The following TRIP12 variants were observed in gnomAD, a reference collection of about 807,000 sequenced individuals.
TRIP12 encodes the protein thyroid hormone receptor interactor 12, also known as E3 ubiquitin-protein ligase TRIP12.
A neutral mutation model predicts 244.2 loss-of-function variants in TRIP12; 25 were observed. The observed-to-expected ratio is 0.10, with a 90% CI of 0.07 to 0.14. TRIP12 has a LOEUF of 0.14. Ranked by LOEUF, TRIP12 falls within the 10% of genes least tolerant of loss-of-function variation. The pLI, the probability that TRIP12 is intolerant of heterozygous loss-of-function variation, is 1.00. For missense variants in TRIP12, 1,677 were observed against 2,486.4 expected (o/e 0.67, Z 6.92); for synonymous variants, 905 against 873.1 (o/e 1.04, Z -0.64).
At chr2:229,849,749 T>C (rs2058288152) in intron 4 of TRIP12, among the ~76,000 whole-genome samples, 1 of 152,128 alleles carries the variant, frequency 6.6e-6, no homozygotes, top group Non-Finnish European at 1.5e-5. Flanking sequence ...GGCATGTGCC[T>C]GTGGTCCCAG....
At chr2:229,776,423 T>C (rs913361536) in intron 37 of TRIP12, among the ~76,000 whole-genome samples, 1 of 152,196 alleles carries the variant, frequency 6.6e-6, no homozygotes, top group Non-Finnish European at 1.5e-5. Context: ...CTTAGCCTCT[T>C]TGAATACCAA....
At position 229,859,067 on chromosome 2, in the gene TRIP12, A is replaced by G; in HGVS notation, c.732T>C (p.Thr244=). The G allele has an allele frequency of 6.2e-7, 1 of 1,614,208 alleles. No homozygotes were observed. The highest frequency in any genetic ancestry group is 8.5e-7 in the Non-Finnish European group (1 of 1,180,024). ...TITDSSSAAS[T]SSSSSAVASA... is the part of the protein sequence containing the mutation. ...AGGCTACAGCAGAAGACGAGGAGGA[A>G]GTAGAGGCAGCAGAAGAAGAATCAG... is the stretch of plus-strand genomic sequence containing the variant. Residue 244 remains threonine, a synonymous_variant, in exon 4 of 42, where the codon ACT becomes ACC. Transcript: ENST00000675903.
At chr2:229,909,120 T>G (rs2073712337) in intron 1 of TRIP12, among the ~76,000 whole-genome samples, 1 of 151,776 alleles carries the variant, frequency 6.6e-6, no homozygotes, top group African/African-American at 2.4e-5. Flanking sequence ...GATTTTATGT[T>G]AGTTTTGTCC....
intron 30 of TRIP12, among the ~76,000 whole-genome samples, chr2:229,790,563 C>G (rs1012526775): frequency 1.3e-5 from 2 of 151,554 alleles, no homozygotes; most frequent in South Asian, 2.1e-4. Context: ...CTCCATGGAA[C>G]AATAATATTG....
chr2:229,809,142 G>C (rs1180043295), intron 15 of TRIP12, among the ~76,000 whole-genome samples: 2 of 152,126 alleles, frequency 1.3e-5, no homozygotes, highest in African/African-American at 2.4e-5. Context: ...AGTAAGTTCT[G>C]TTATCAAGAA....
At chr2:229,853,111 C>A (rs1405692240) in intron 4 of TRIP12, among the ~76,000 whole-genome samples, 1 of 152,002 alleles carries the variant, frequency 6.6e-6, no homozygotes, top group Admixed American at 6.6e-5. Context: ...TCCTACTGAC[C>A]AATTATGTCT....
intron 4 of TRIP12, among the ~76,000 whole-genome samples, chr2:229,843,958 TA>T (rs879497195): frequency 1.8e-4 from 26 of 146,322 alleles, no homozygotes; most frequent in Middle Eastern, 3.5e-3. Flanking sequence ...TATTCCTAAT[TA>T]AAAAAAAAAA....
rs767018878 is a variant in TRIP12, at chr2:229,818,459, G to T, written c.1504C>A (p.Gln502Lys). 2 of 1,613,982 alleles carry T rather than the reference G, an allele frequency of 1.2e-6. No homozygotes were observed. The highest frequency in any genetic ancestry group is 2.7e-5 in the African/African-American group (2 of 74,922). Residue 502 changes from glutamine (Q) to lysine (K), a missense_variant, in exon 9 of 42, where the codon CAG becomes AAG. Around this residue, in one of 11 missense-constraint regions of TRIP12, gnomAD observed 5 missense variants for 28.4 expected, o/e 0.18. Coordinates refer to ENST00000675903, the MANE Select transcript of TRIP12 (RefSeq NM_001348323.3). The stretch of plus-strand genomic sequence containing the variant: ...CACATCTCAATAACTGCCTGAAGCT[G>T]TTGACTTTCATCACTGGCTTGCAAT... ...QGLQASDESQ[Q>K]LQAVIEMCQL...
At position 229,829,263 on chromosome 2, in the gene TRIP12, G is replaced by T; in HGVS notation, c.1380C>A (p.Pro460=). ...GACCAAGAGGACCAAATAGGTGAGG[G>T]GGAAGACCCCTTGCCTCTAACAAAG... ...LQALLEARGL[P]PHLFGPLGPR... Residue 460 remains proline, a synonymous_variant, in exon 8 of 42, where the codon CCC becomes CCA. Coordinates refer to ENST00000675903, the MANE Select transcript of TRIP12 (RefSeq NM_001348323.3). The T allele has an allele frequency of 1.2e-6, 2 of 1,613,546 alleles. No homozygotes were observed. The highest frequency in any genetic ancestry group is 1.7e-6 in the Non-Finnish European group (2 of 1,179,798).
intron 4 of TRIP12, among the ~76,000 whole-genome samples, chr2:229,855,679 C>T (rs568424859): frequency 1.3e-5 from 2 of 150,820 alleles, no homozygotes; most frequent in South Asian, 4.2e-4. Context: ...TCTTCAAATC[C>T]TAACTCTGCC....
intron 15 of TRIP12, among the ~76,000 whole-genome samples, chr2:229,810,227 C>T (rs139959970): frequency 7.2e-5 from 11 of 152,278 alleles, no homozygotes; most frequent in East Asian, 1.9e-4. Context: ...AAAATTATAA[C>T]GTATAGATGT....
rs1041276337 is a variant in TRIP12 at position 229,814,462 on chromosome 2, T to C, written c.1732-137A>G. 14 of 747,148 alleles carry C rather than the reference T, an allele frequency of 1.9e-5. No individual in the cohort carries two copies. The East Asian group carries it at 3.1e-4, about 16-fold the overall frequency. The allele number at this position is 747,148 out of a possible 1,614,324, so 46.3% of individuals were successfully genotyped here. A position where few individuals can be genotyped will look rare whatever the true frequency, so the allele number is the denominator to read the frequency against. ...AACCCACCATAGGATGCAAGTCACT[T>C]AGCAGCTTAAGCTACAAAGTATAGC... On this transcript the variant is annotated intron_variant, in intron 11 of 41. Transcript: ENST00000675903.
chr2:229,908,020 C>T (rs1377919958), intron 1 of TRIP12, among the ~76,000 whole-genome samples: 1 of 151,338 alleles, frequency 6.6e-6, no homozygotes, highest in Non-Finnish European at 1.5e-5. Flanking sequence ...TAGATTTAAA[C>T]TGAATCTCAG....
At chr2:229,910,051 G>C (rs978469948) in intron 1 of TRIP12, among the ~76,000 whole-genome samples, 2 of 152,088 alleles carry the variant, frequency 1.3e-5, no homozygotes, top group East Asian at 1.9e-4. Flanking sequence ...TCCTTTCCTT[G>C]AGCCATGATT....
upstream of TRIP12, among the ~76,000 whole-genome samples, chr2:229,922,801 C>T (rs2076792806): frequency 6.6e-6 from 1 of 152,242 alleles, no homozygotes; most frequent in African/African-American, 2.4e-5. Flanking sequence ...CTGCTCTCCC[C>T]GAGCCCGGCT....
intron 5 of TRIP12, among the ~76,000 whole-genome samples, chr2:229,840,489 G>A (rs1390622903): frequency 6.6e-6 from 1 of 152,084 alleles, no homozygotes; most frequent in Non-Finnish European, 1.5e-5. Context: ...ATCACTTGAG[G>A]TTGGGAGTTG....
At chr2:229,848,069 T>C (rs558755737) in intron 4 of TRIP12, among the ~76,000 whole-genome samples, 4 of 152,182 alleles carry the variant, frequency 2.6e-5, no homozygotes, top group African/African-American at 7.2e-5. Flanking sequence ...ATCTTCTCTG[T>C]GGAATTTTAC....
Position 229,872,199 on chromosome 2 carries a change from C to T in TRIP12, c.98+7783G>A, listed in dbSNP as rs374690992. Among the ~76,000 whole-genome samples the T allele has an allele frequency of 4.3e-4, 63 of 148,156 alleles. No homozygotes were observed. In the East Asian group the frequency reaches 0.012, roughly 28 times the overall value. ...ATCCCAGCACTTTGGCAGGCCAAGG[C>T]AGGAGGACTGCTTCAGGCCAGGAGC... On this transcript the variant is annotated intron_variant, in intron 2 of 41. Transcript: ENST00000675903.
At chr2:229,819,017 A>G (rs547541666) in intron 8 of TRIP12, among the ~76,000 whole-genome samples, 1 of 151,110 alleles carries the variant, frequency 6.6e-6, no homozygotes, top group South Asian at 2.1e-4. Context: ...GAGAATGGAA[A>G]GAATATTCTG....
Sources: gnomAD v4.1 joint callset for allele counts (sites outside exome capture counted in the v4.1 genomes callset) on GRCh38, gnomAD v4.1.1 for gene constraint, gnomAD v4.1.1 regional missense constraint, MANE v1.5 for transcripts, NCBI Gene and HGNC (gene_info 2026-07-23, HGNC 2026-07-21) for gene names.